The following NOMO1 variants were observed in gnomAD, a reference collection of about 807,000 sequenced individuals.
NOMO1 encodes the protein NODAL modulator 1.
In NOMO1, 40 loss-of-function variants were observed where a neutral mutation model predicts 133.8. That is an observed-to-expected ratio of 0.30 (90% CI 0.23 to 0.39). NOMO1 has a LOEUF of 0.39. NOMO1 is among the 10% of genes least tolerant of loss of function. NOMO1 has a pLI of 1.00. For synonymous variants in NOMO1, 236 were observed against 570.5 expected (o/e 0.41, Z 8.36); for missense variants, 462 against 1,419.9 (o/e 0.33, Z 10.84).
At chr16:14,877,529 A>G (rs1964179396) in intron 22 of NOMO1, among the ~76,000 whole-genome samples, 1 of 151,918 alleles carries the variant, frequency 6.6e-6, no homozygotes, top group Non-Finnish European at 1.5e-5. Flanking sequence ...TGTATCATAA[A>G]TAATATCCCC....
chr16:14,844,951 T>C (rs1963657770), intron 4 of NOMO1, among the ~76,000 whole-genome samples, 177 bp downstream of exon 4: 1 of 151,920 alleles, frequency 6.6e-6, no homozygotes, highest in Non-Finnish European at 1.5e-5. Flanking sequence ...GCAGCAGGTG[T>C]ATTTAGGAAT....
chr16:14,853,719 G>A (rs2151895655), intron 8 of NOMO1, 115 bp downstream of exon 8: 2 of 1,016,148 alleles, frequency 2.0e-6, no homozygotes, highest in East Asian at 2.4e-5. Flanking sequence ...CTCTGAACAC[G>A]CTGTTAAGCA....
chr16:14,866,139 C>T (rs1287491613), intron 14 of NOMO1, among the ~76,000 whole-genome samples: 1 of 147,746 alleles, frequency 6.8e-6, no homozygotes, highest in African/African-American at 2.5e-5. Flanking sequence ...CTCACTGCAA[C>T]CTCTCCGCCT....
At position 14,859,140 on chromosome 16, in the gene NOMO1, CA is replaced by C. The variant is rs951167860; in HGVS notation, c.1220+1486del. On this transcript the variant is annotated intron_variant, in intron 11 of 30. Coordinates refer to ENST00000287667, the MANE Select transcript of NOMO1 (RefSeq NM_014287.4). The stretch of plus-strand genomic sequence containing the variant: ...GCCAAAAACAGAGTGCCAGGTGGCC[CA>C]GGGGGGACCTAGGGAGCATGAGGTC... 9.9e-5 allele frequency among the ~76,000 whole-genome samples: 15 copies of C among 151,952 alleles called. No homozygotes were observed. The South Asian group carries it at 2.7e-3, about 27-fold the overall frequency.
chr16:14,866,475 A>G (rs1963996722), intron 14 of NOMO1, 80 bp from the exon 15 acceptor site: 3 of 1,609,362 alleles, frequency 1.9e-6, no homozygotes, highest in Non-Finnish European at 1.7e-6. Flanking sequence ...TGATTAATTC[A>G]TGATCATTGT....
In NOMO1 at chr16:14,852,395, A is replaced by AT. The variant is rs759452359; in HGVS notation, c.583-28dup. ...GTTGTTAGGCACTTTGCAAGTGTTT[A>AT]TTTTTTTACAGGTTAAAATCTTTTT... On this transcript the variant is annotated intron_variant, in intron 6 of 30. Coordinates refer to ENST00000287667, the MANE Select transcript of NOMO1 (RefSeq NM_014287.4). 32 of 1,536,658 alleles carry AT rather than the reference A, an allele frequency of 2.1e-5. No homozygotes were observed. In the East Asian group the frequency reaches 4.1e-4, roughly 20 times the overall value.
chr16:14,876,607 G>C, intron 21 of NOMO1, 57 bp from the exon 22 acceptor site: 1 of 1,610,804 alleles, frequency 6.2e-7, no homozygotes, highest in African/African-American at 1.3e-5. Flanking sequence ...GGCTTGGTAA[G>C]GCTTCCTGCA....
chr16:14,874,727 A>G (rs1272516200), intron 18 of NOMO1, among the ~76,000 whole-genome samples: 1 of 151,976 alleles, frequency 6.6e-6, no homozygotes, highest in Non-Finnish European at 1.5e-5. Flanking sequence ...GGTAGAATGG[A>G]GAACAGAGGA....
rs1597116384 is a variant in NOMO1, at chr16:14,887,600, A to G, written c.3324+738A>G. Among the ~76,000 whole-genome samples the G allele has an allele frequency of 1.3e-5, 2 of 151,914 alleles. 1 individual carries two copies. Among genetic ancestry groups the G allele is most frequent in the African/African-American group, 4.8e-5 (2 of 41,402 alleles). On this transcript the variant is annotated intron_variant, in intron 28 of 30. Coordinates refer to ENST00000287667, the MANE Select transcript of NOMO1 (RefSeq NM_014287.4). Reference sequence around the variant, plus strand: ...CAGGCGTGAGCCCCCGTGCCTGGCCAAATCTTTCATACTATGATTTTTATG... The same window carrying G: ...CAGGCGTGAGCCCCCGTGCCTGGCCGAATCTTTCATACTATGATTTTTATG...
chr16:14,869,950 G>A lies in NOMO1; in HGVS notation c.1894+1315G>A, dbSNP rs577058870. ...TAGTCATCTTGGTAGATGTGAAGTC[G>A]TGTCTCATGGTGGTTTTGTTTTGCA... On this transcript the variant is annotated intron_variant, in intron 16 of 30. Transcript: ENST00000287667. 1.7e-3 allele frequency among the ~76,000 whole-genome samples: 249 copies of A among 150,110 alleles called. 3 individuals are homozygous for A. Among genetic ancestry groups the A allele is most frequent in the Middle Eastern group, 3.4e-3 (1 of 294 alleles).
At chr16:14,864,751 A>G (rs761263030) in intron 13 of NOMO1, 25 bp downstream of exon 13, 1 of 1,613,628 alleles carries the variant, frequency 6.2e-7, no homozygotes, top group Non-Finnish European at 8.5e-7. Flanking sequence ...GAAAGTAAGA[A>G]CACATAGTTT....
chr16:14,884,892 G>A (rs1250303108), intron 27 of NOMO1, among the ~76,000 whole-genome samples: 1 of 152,058 alleles, frequency 6.6e-6, no homozygotes, highest in Admixed American at 6.5e-5. Context: ...AAATGCCTGA[G>A]GCTAGATAAT....
At chr16:14,842,336 AG>A (rs1402276008) in intron 3 of NOMO1, among the ~76,000 whole-genome samples, 5 of 150,670 alleles carry the variant, frequency 3.3e-5, no homozygotes, top group African/African-American at 1.2e-4. Context: ...AGGCTCAGGC[AG>A]CTGACAGCTA....
rs138930076 is a variant in NOMO1 at position 14,863,125 on chromosome 16, G to A, written c.1333G>A (p.Val445Met). Residue 445 changes from valine to methionine, a missense_variant, in exon 12 of 31, where the codon GTG becomes ATG. Coordinates refer to ENST00000287667, the MANE Select transcript of NOMO1 (RefSeq NM_014287.4). ...SQDKDKSLVT[V>M]ETDAHGSFCF... ...AGACAAGGACAAGTCTTTGGTCACC[G>A]TGGAGACAGATGCTCATGGATCATT... 0.019 allele frequency: 31,327 copies of A among 1,609,138 alleles called. 530 individuals carry two copies. The highest frequency in any genetic ancestry group is 0.058 in the South Asian group (5,278 of 90,778).
intron 6 of NOMO1, among the ~76,000 whole-genome samples, chr16:14,851,220 A>C (rs1365490301): frequency 5.9e-5 from 9 of 151,764 alleles, no homozygotes; most frequent in Non-Finnish European, 1.2e-4. Context: ...TGGGATTTTC[A>C]AGTAAAGCAT....
chr16:14,892,970 G>A (rs1166243055), intron 29 of NOMO1, among the ~76,000 whole-genome samples: 2 of 136,218 alleles, frequency 1.5e-5, no homozygotes, highest in East Asian at 2.1e-4. Context: ...ACAGCCTCGC[G>A]ACTGGATTTT....
intron 23 of NOMO1, among the ~76,000 whole-genome samples, chr16:14,879,353 C>T (rs1964209779): frequency 1.3e-5 from 2 of 152,050 alleles, no homozygotes; most frequent in Non-Finnish European, 2.9e-5. Context: ...GCAGCGGGGG[C>T]ATCTGAAGAC....
chr16:14,850,139 C>T (rs1213407454), intron 6 of NOMO1, among the ~76,000 whole-genome samples: 8 of 148,092 alleles, frequency 5.4e-5, no homozygotes, highest in Non-Finnish European at 1.0e-4. Flanking sequence ...GGGGCGATCT[C>T]GGCTCATTGC....
At chr16:14,886,919 A>T in intron 28 of NOMO1, 57 bp downstream of exon 28, 1 of 1,437,642 alleles carries the variant, frequency 7.0e-7, no homozygotes, top group Non-Finnish European at 9.8e-7. Flanking sequence ...TCTGCTGTTT[A>T]GTTTAAGGAA....
Sources: allele counts gnomAD v4.1 joint callset (sites outside exome capture counted in the v4.1 genomes callset), GRCh38; gene constraint gnomAD v4.1.1; transcripts MANE v1.5; gene names NCBI Gene and HGNC (gene_info 2026-07-23, HGNC 2026-07-21).